The following COL1A2 variants were observed in gnomAD, a reference collection of about 807,000 sequenced individuals.
COL1A2 encodes the protein collagen type I alpha 2 chain.
A neutral mutation model predicts 174.3 loss-of-function variants in COL1A2; 49 were observed. The ratio of observed to expected loss-of-function variants is 0.28; its 90% CI spans 0.22 to 0.36. The LOEUF is 0.36. Among genes scored for constraint, COL1A2 ranks in the 10% least tolerant of loss-of-function variants. The pLI, the probability that COL1A2 is intolerant of heterozygous loss-of-function variation, is 1.00. For missense variants in COL1A2, 1,438 were observed against 1,822.7 expected (o/e 0.79, Z 3.84); for synonymous variants, 655 against 606.6 (o/e 1.08, Z -1.17).
chr7:94,412,533 G>C, intron 24 of COL1A2, 51 bp from the exon 25 acceptor site: 1 of 1,405,340 alleles, frequency 7.1e-7, no homozygotes, highest in South Asian at 1.2e-5. Flanking sequence ...TAAGCTTGAG[G>C]TTGTGAGAAT....
intron 36 of COL1A2, 34 bp from the exon 37 acceptor site, chr7:94,420,507 G>A (rs1792136130): frequency 6.2e-7 from 1 of 1,614,046 alleles, no homozygotes. Context: ...GAGTGGGTCG[G>A]AATACCAGAG....
At chr7:94,409,673 T>G (rs1237061409) in intron 18 of COL1A2, 50 bp from the exon 19 acceptor site, 1 of 1,613,506 alleles carries the variant, frequency 6.2e-7, no homozygotes, top group Admixed American at 1.7e-5. Context: ...GTGTGCTGCC[T>G]CTACAGCCCA....
chr7:94,398,690 T>C (rs1195862893), intron 3 of COL1A2, among the ~76,000 whole-genome samples: 2 of 151,988 alleles, frequency 1.3e-5, no homozygotes, highest in Admixed American at 6.6e-5. Context: ...ATGTTAATTA[T>C]AGGGAGTAAA....
rs1235438039 is a variant in COL1A2 at position 94,398,416 on chromosome 7, C to A, written c.96+20C>A. 1.1e-6 allele frequency: 1 copy of A among 912,664 alleles called. No individual in the cohort carries two copies. Among genetic ancestry groups the A allele is most frequent in the South Asian group, 1.7e-5 (1 of 58,244 alleles). 56.5% of individuals were successfully genotyped at this position (912,664 alleles called of 1,614,324 possible). On this transcript the variant is annotated intron_variant, in intron 3 of 51. Transcript: ENST00000297268. The stretch of plus-strand genomic sequence containing the variant: ...AGAAAGGTAAGAGTACACTACTTCT[C>A]CATAAATATCTAAAATTATCAGGGA...
chr7:94,407,112 G>T (rs1030661670), intron 12 of COL1A2, among the ~76,000 whole-genome samples: 2 of 152,102 alleles, frequency 1.3e-5, no homozygotes, highest in African/African-American at 4.8e-5. Context: ...GGAAACTGAG[G>T]CTTCGTGAGA....
rs779108678 is a variant in COL1A2, at chr7:94,421,042, C to T, written c.2329C>T (p.Arg777Cys). ...PNGPPGPAGS[R>C]GDGGPPGMTG... is the part of the protein sequence containing the mutation. The stretch of plus-strand genomic sequence containing the variant: ...TGGTCCCCCCGGTCCTGCTGGAAGT[C>T]GTGGTGATGGAGGCCCCCCTGTGAG... The change falls in exon 38 of 52, where the codon CGT (arginine) becomes TGT (cysteine). Residue 777 changes from arginine to cysteine, a missense_variant. Arg to Cys is a radical substitution (Grantham distance 180). Around this residue, in one of 3 missense-constraint regions of COL1A2, gnomAD observed 867 missense variants for 1,213.7 expected, o/e 0.71. Transcript: ENST00000297268. 4 of 1,614,124 alleles carry T rather than the reference C, an allele frequency of 2.5e-6. No homozygotes were observed. Among genetic ancestry groups the T allele is most frequent in the Admixed American group, 3.3e-5 (2 of 60,010 alleles).
At position 94,425,152 on chromosome 7, in the gene COL1A2, T is replaced by G. The variant is rs1562906870; in HGVS notation, c.2709T>G (p.Pro903=). The part of the protein sequence containing the change: ...EPGPLGIAGP[P]GARGPPGAVG... ...GTCCTCTTGGCATTGCCGGCCCTCC[T>G]GGGGCCCGTGGTCCTCCTGGTGCTG... The change falls in exon 42 of 52, where the codon CCT becomes CCG. Residue 903 remains proline (P), a synonymous_variant. Coordinates refer to ENST00000297268, the MANE Select transcript of COL1A2 (RefSeq NM_000089.4). 1.9e-6 allele frequency: 3 copies of G among 1,614,170 alleles called. No homozygotes were observed. The highest frequency in any genetic ancestry group is 1.6e-4 in the Middle Eastern group (1 of 6,062).
intron 28 of COL1A2, 84 bp downstream of exon 28, chr7:94,414,031 C>A: frequency 7.2e-7 from 1 of 1,394,428 alleles, no homozygotes; most frequent in Non-Finnish European, 1.0e-6. Context: ...TCTTCTCCAC[C>A]ACAATAAACA....
At chr7:94,414,889 T>C (rs940970513) in intron 29 of COL1A2, among the ~76,000 whole-genome samples, 2 of 152,216 alleles carry the variant, frequency 1.3e-5, no homozygotes, top group Admixed American at 1.3e-4. Flanking sequence ...GACGATCTGT[T>C]ATACAGCTAA....
At chr7:94,412,803 A>AT in intron 25 of COL1A2, 121 bp downstream of exon 25, 1 of 856,002 alleles carries the variant, frequency 1.2e-6, no homozygotes, top group South Asian at 1.4e-5. Context: ...ACACAGGAAA[A>AT]CTGCAGGCCA....
At chr7:94,409,913 A>T in intron 19 of COL1A2, 92 bp downstream of exon 19, 1 of 1,280,120 alleles carries the variant, frequency 7.8e-7, no homozygotes, top group Non-Finnish European at 1.1e-6. Context: ...TAGTTTTATT[A>T]TTCCTATTTT....
chr7:94,412,264 T>G (rs1562902128), intron 24 of COL1A2, 143 bp downstream of exon 24: 2 of 809,734 alleles, frequency 2.5e-6, no homozygotes, highest in East Asian at 5.3e-5. Context: ...AGTAATAGAT[T>G]GTAATTATGG....
intron 23 of COL1A2, among the ~76,000 whole-genome samples, chr7:94,411,670 C>G (rs1791928160): frequency 6.6e-6 from 1 of 152,168 alleles, no homozygotes; most frequent in Admixed American, 6.5e-5. Flanking sequence ...GGGTGAATAT[C>G]AACTGTAATT....
chr7:94,416,834 C>A (rs1156769252), intron 31 of COL1A2: 2 of 238,900 alleles, frequency 8.4e-6, no homozygotes, highest in Non-Finnish European at 1.6e-5. Context: ...GAGAAAATAA[C>A]TTTTTATCTT....
At position 94,426,914 on chromosome 7, in the gene COL1A2, TAACTA is replaced by T. The variant is rs1359099394; in HGVS notation, c.3106-91_3106-87del. On this transcript the variant is annotated intron_variant, in intron 46 of 51. Coordinates refer to ENST00000297268, the MANE Select transcript of COL1A2 (RefSeq NM_000089.4). ...CAATTTTCTCAATCCGGAGTCCATT[TAACTA>T]AAGTTTCCCATTCAATTTGGAAAAA... 49 of 1,096,466 alleles carry T rather than the reference TAACTA, an allele frequency of 4.5e-5. No individual in the cohort carries two copies. The East Asian group carries it at 1.1e-3, about 24-fold the overall frequency. The allele number at this position is 1,096,466 out of a possible 1,614,324, so 67.9% of individuals were successfully genotyped here. A position where few individuals can be genotyped will look rare whatever the true frequency, so the allele number is the denominator to read the frequency against.
Position 94,398,636 on chromosome 7 carries a change from GA to G in COL1A2, c.96+249del, listed in dbSNP as rs550829017. 0.024 allele frequency among the ~76,000 whole-genome samples: 3,489 copies of G among 145,842 alleles called. 138 individuals carry two copies. Among genetic ancestry groups the G allele is most frequent in the African/African-American group, 0.087 (3,292 of 37,714 alleles). ...CAAACTGGTGATTTACATACAAAAG[GA>G]AAAAAAAAGACTTGTTTTTATTCTG... On this transcript the variant is annotated intron_variant, in intron 3 of 51. Coordinates refer to ENST00000297268, the MANE Select transcript of COL1A2 (RefSeq NM_000089.4).
At chr7:94,413,280 T>C in intron 26 of COL1A2, 144 bp downstream of exon 26, 1 of 838,336 alleles carries the variant, frequency 1.2e-6, no homozygotes. Context: ...TAAAATGCCT[T>C]TTTAAAAACC....
intron 25 of COL1A2, 55 bp downstream of exon 25, chr7:94,412,737 C>A: frequency 1.4e-6 from 2 of 1,467,716 alleles, no homozygotes; most frequent in African/African-American, 1.4e-5. Flanking sequence ...CAAATTTTAC[C>A]AAACTCTAGT....
Position 94,398,370 on chromosome 7 carries a change from A to G in COL1A2, c.82-12A>G, listed in dbSNP as rs143689469. On this transcript the variant is annotated splice_polypyrimidine_tract_variant and intron_variant, in intron 2 of 51. Coordinates refer to ENST00000297268, the MANE Select transcript of COL1A2 (RefSeq NM_000089.4). The stretch of plus-strand genomic sequence containing the variant: ...TTTTCTTCATAATAATCTTTGATTT[A>G]TTCTTTTCTAGGAAACTGTAAGAAA... 4.0e-3 allele frequency: 3,653 copies of G among 903,740 alleles called. 84 individuals carry two copies. In the African/African-American group the frequency reaches 0.054, roughly 13 times the overall value. The allele number at this position is 903,740 out of a possible 1,614,324, so 56.0% of individuals were successfully genotyped here.
Sources: gnomAD v4.1 joint callset for allele counts (sites outside exome capture counted in the v4.1 genomes callset) on GRCh38, gnomAD v4.1.1 for gene constraint, gnomAD v4.1.1 regional missense constraint, MANE v1.5 for transcripts, NCBI Gene and HGNC (gene_info 2026-07-23, HGNC 2026-07-21) for gene names.